CLINT1: variants seen among roughly 807,000 people sequenced by gnomAD.
CLINT1 encodes clathrin interacting protein localized in the trans-Golgi region.
Under a neutral mutation model 70.4 loss-of-function variants are expected in CLINT1, and 15 were observed. The observed-to-expected ratio is 0.21, with a 90% CI of 0.14 to 0.33. The LOEUF (loss-of-function observed/expected upper bound fraction) is 0.33. CLINT1 is among the 10% of genes least tolerant of loss of function. The pLI is 1.00. For synonymous variants in CLINT1, 227 were observed against 254.7 expected (o/e 0.89, Z 1.04); for missense variants, 615 against 778.1 (o/e 0.79, Z 2.49).
At chr5:157,816,988 C>T (rs973043862) in intron 2 of CLINT1, among the ~76,000 whole-genome samples, 158 bp from the exon 3 acceptor site, 1 of 151,870 alleles carries the variant, frequency 6.6e-6, no homozygotes, top group Non-Finnish European at 1.5e-5. Context: ...AAATGTTTTC[C>T]CTATGTTTTA....
At chr5:157,811,191 G>C (rs1762545056) in intron 5 of CLINT1, among the ~76,000 whole-genome samples, 1 of 152,172 alleles carries the variant, frequency 6.6e-6, no homozygotes, top group Non-Finnish European at 1.5e-5. Context: ...ACATCATACT[G>C]AATTACTGCT....
intron 1 of CLINT1, among the ~76,000 whole-genome samples, chr5:157,840,715 AATTTT>A (rs1230195093): frequency 6.6e-6 from 1 of 151,562 alleles, no homozygotes; most frequent in African/African-American, 2.4e-5. Flanking sequence ...ACTCATTGTT[AATTTT>A]ATGTGTCGTT....
At chr5:157,850,804 A>T (rs1186999) in intron 1 of CLINT1, among the ~76,000 whole-genome samples, 89,900 of 150,412 alleles carry the variant, frequency 0.6, 27,378 homozygotes, top group African/African-American at 0.7. Context: ...ATTAAAAAAA[A>T]TTTTTTTAGA....
intron 1 of CLINT1, among the ~76,000 whole-genome samples, chr5:157,822,389 C>G (rs1162487008): frequency 6.6e-6 from 1 of 152,154 alleles, no homozygotes; most frequent in Non-Finnish European, 1.5e-5. Context: ...GCCTCTTCCT[C>G]ATTTTCCCTT....
chr5:157,834,598 G>C (rs1479997653), intron 1 of CLINT1, among the ~76,000 whole-genome samples: 1 of 152,090 alleles, frequency 6.6e-6, no homozygotes, highest in Non-Finnish European at 1.5e-5. Context: ...TGATTACACT[G>C]CTTTACTAGC....
Position 157,787,701 on chromosome 5 carries a change from C to T in CLINT1, c.1823G>A (p.Gly608Glu), listed in dbSNP as rs779234554. The T allele has an allele frequency of 6.2e-7, 1 of 1,613,992 alleles. No homozygotes were observed. The highest frequency in any genetic ancestry group is 1.1e-5 in the South Asian group (1 of 91,084). Reference sequence around the variant, plus strand: ...GGCATCTTGCTTGGGTTGCACAGTTCCAGAAGTCATGGCTATGTTGGGCAT... The same window carrying T: ...GGCATCTTGCTTGGGTTGCACAGTTTCAGAAGTCATGGCTATGTTGGGCAT... The part of the protein sequence containing the change: ...MGMPNIAMTS[G>E]TVQPKQDAFA... The change falls in exon 12 of 12, where the codon GGA becomes GAA. Residue 608 changes from glycine to glutamate, a missense_variant. By Grantham distance (98) the Gly-to-Glu change is moderately conservative. Coordinates refer to ENST00000411809, the MANE Select transcript of CLINT1 (RefSeq NM_014666.4).
At chr5:157,801,983 C>T (rs111385463) in intron 8 of CLINT1, among the ~76,000 whole-genome samples, 20,053 of 151,864 alleles carry the variant, frequency 0.13, 1,535 homozygotes, top group Non-Finnish European at 0.19. Context: ...CAAACTCCAC[C>T]TCCTGGGTTC....
chr5:157,832,614 C>T (rs191500957), intron 1 of CLINT1, among the ~76,000 whole-genome samples: 1 of 152,198 alleles, frequency 6.6e-6, no homozygotes, highest in Non-Finnish European at 1.5e-5. Flanking sequence ...TTCTACATGA[C>T]CACATTAATC....
At chr5:157,837,643 CT>C (rs1763470654) in intron 1 of CLINT1, among the ~76,000 whole-genome samples, 1 of 86,022 alleles carries the variant, frequency 1.2e-5, no homozygotes, top group Admixed American at 1.4e-4. Context: ...TTCTCAAGCT[CT>C]TTTACTTTTT....
intron 1 of CLINT1, among the ~76,000 whole-genome samples, chr5:157,835,817 A>ACCC (rs1312894280): frequency 6.6e-6 from 1 of 152,166 alleles, no homozygotes; most frequent in African/African-American, 2.4e-5. Context: ...CCTTGCCAAG[A>ACCC]CTTAAAAAGT....
intron 11 of CLINT1, among the ~76,000 whole-genome samples, chr5:157,788,514 T>C (rs572683319): frequency 1.1e-4 from 16 of 152,258 alleles, no homozygotes; most frequent in South Asian, 6.2e-4. Context: ...CTGGAAACAA[T>C]TGAAATAATT....
At chr5:157,829,417 G>A (rs1426353151) in intron 1 of CLINT1, among the ~76,000 whole-genome samples, 1 of 152,146 alleles carries the variant, frequency 6.6e-6, no homozygotes, top group Non-Finnish European at 1.5e-5. Context: ...TGTCAAAAAA[G>A]GGTTCCAGGG....
chr5:157,822,119 G>A (rs935100243), intron 1 of CLINT1, among the ~76,000 whole-genome samples: 1 of 152,062 alleles, frequency 6.6e-6, no homozygotes, highest in Non-Finnish European at 1.5e-5. Flanking sequence ...ACGTGTTGTG[G>A]GAGGGACCTG....
At chr5:157,799,764 T>G (rs1046542723) in intron 8 of CLINT1, among the ~76,000 whole-genome samples, 5 of 152,078 alleles carry the variant, frequency 3.3e-5, no homozygotes, top group Admixed American at 3.3e-4. Flanking sequence ...GCAAACATCA[T>G]AGAGGGTACT....
chr5:157,830,767 T>C (rs867910756), intron 1 of CLINT1, among the ~76,000 whole-genome samples: 17 of 103,018 alleles, frequency 1.7e-4, no homozygotes, highest in Admixed American at 7.0e-4. Flanking sequence ...CCTCTCTCTC[T>C]CTCTCTCTCT....
rs11316474 is a variant in CLINT1, at chr5:157,853,777, CAAAAAAAAAAAAA to C, written c.41+5140_41+5152del. 1.7e-4 allele frequency among the ~76,000 whole-genome samples: 8 copies of C among 48,048 alleles called. No individual in the cohort carries two copies. In the Admixed American group the frequency reaches 2.1e-3, roughly 12 times the overall value. 31.5% of individuals were successfully genotyped at this position (48,048 alleles called of 152,430 possible). ...GGGCAACGAGAGCGAGACACCATCTCAAAAAAAAAAAAAAAAAAAAAAAAAGAAAAACTGCTTG... is the reference window on the plus strand; with the variant it reads ...GGGCAACGAGAGCGAGACACCATCTCAAAAAAAAAAAAGAAAAACTGCTTG... On this transcript the variant is annotated intron_variant, in intron 1 of 11. Transcript: ENST00000411809.
At chr5:157,839,165 G>A (rs1283294019) in intron 1 of CLINT1, among the ~76,000 whole-genome samples, 1 of 152,174 alleles carries the variant, frequency 6.6e-6, no homozygotes, top group Non-Finnish European at 1.5e-5. Flanking sequence ...GGAGGTCAAG[G>A]CTATAGTGGG....
At chr5:157,850,522 G>A (rs1394203727) in intron 1 of CLINT1, among the ~76,000 whole-genome samples, 1 of 149,108 alleles carries the variant, frequency 6.7e-6, no homozygotes, top group Non-Finnish European at 1.5e-5. Context: ...AAGGTGGGAG[G>A]ATGGATTGAG....
At chr5:157,827,545 G>A (rs1003785583) in intron 1 of CLINT1, among the ~76,000 whole-genome samples, 3 of 152,110 alleles carry the variant, frequency 2.0e-5, no homozygotes, top group African/African-American at 7.2e-5. Flanking sequence ...ACTCTTGATC[G>A]CTATTAAACA....
Sources: allele counts gnomAD v4.1 joint callset (sites outside exome capture counted in the v4.1 genomes callset), GRCh38; gene constraint gnomAD v4.1.1; transcripts MANE v1.5; gene names NCBI Gene and HGNC (gene_info 2026-07-23, HGNC 2026-07-21).